Variants in ZNF717 observed in about 807,000 individuals in gnomAD.
ZNF717 encodes the protein zinc finger protein 717.
In ZNF717, 9 loss-of-function variants were observed where a neutral mutation model predicts 13.8. That is an observed-to-expected ratio of 0.65 (90% confidence interval 0.39 to 1.14). ZNF717 has a LOEUF of 1.14. Ranked by LOEUF, ZNF717 falls within the 50% of genes most tolerant of loss-of-function variation. The pLI is 0.01. For missense variants in ZNF717, 1,040 were observed against 1,080.7 expected (o/e 0.96, Z 0.53); for synonymous variants, 327 against 364.1 (o/e 0.90, Z 1.16).
At chr3:75,740,328 C>T (rs1287676695) in intron 4 of ZNF717, among the ~76,000 whole-genome samples, 1 of 152,276 alleles carries the variant, frequency 6.6e-6, no homozygotes, top group South Asian at 2.1e-4. Context: ...GGACTTGAGA[C>T]CCAGAATCTT....
intron 2 of ZNF717, among the ~76,000 whole-genome samples, chr3:75,751,713 A>G (rs1575837504): frequency 6.6e-6 from 1 of 150,384 alleles, no homozygotes; most frequent in Non-Finnish European, 1.5e-5. Context: ...CTCACATAGG[A>G]TTCCAGAACA....
chr3:75,749,296 T>C (rs1169900463), intron 2 of ZNF717, among the ~76,000 whole-genome samples: 1 of 151,970 alleles, frequency 6.6e-6, no homozygotes, highest in Non-Finnish European at 1.5e-5. Flanking sequence ...TAGTGTGTTC[T>C]GAATCTTTGA....
chr3:75,751,757 T>C (rs375498202), intron 2 of ZNF717, among the ~76,000 whole-genome samples: 3 of 151,676 alleles, frequency 2.0e-5, no homozygotes, highest in Admixed American at 6.6e-5. Context: ...GTCCCTCACA[T>C]AGGATTCCAG....
intron 6 of ZNF717, among the ~76,000 whole-genome samples, chr3:75,703,133 C>T (rs1243184961): frequency 2.0e-5 from 3 of 152,418 alleles, no homozygotes; most frequent in East Asian, 3.8e-4. Flanking sequence ...AATTTAATCA[C>T]ATGCATTCTA....
chr3:75,737,371 G>A lies in ZNF717; in HGVS notation c.2252C>T (p.Thr751Ile). 6.4e-7 allele frequency: 1 copy of A among 1,552,736 alleles called. No individual in the cohort carries two copies. The highest frequency in any genetic ancestry group is 8.7e-7 in the Non-Finnish European group (1 of 1,147,644). ...QKSVLTVHHR[T>I]HTGEKPYECN... ...TTCATAAGGTTTTTCTCCGGTATGG[G>A]TTCTATGATGTACAGTGAGGACTGA... The change falls in exon 5 of 5, where the codon ACC (threonine) becomes ATC (isoleucine). Residue 751 changes from threonine (T) to isoleucine (I), a missense_variant. By Grantham distance (89) the Thr-to-Ile change is moderately conservative. Transcript: ENST00000652011.
intron 2 of ZNF717, among the ~76,000 whole-genome samples, chr3:75,746,574 C>T (rs1416983752): frequency 3.3e-5 from 5 of 152,296 alleles, no homozygotes; most frequent in South Asian, 2.1e-4. Flanking sequence ...GATCGCCATT[C>T]TAACTAGTGT....
intron 4 of ZNF717, among the ~76,000 whole-genome samples, chr3:75,740,380 C>G (rs1940231212): frequency 1.3e-5 from 2 of 152,060 alleles, no homozygotes; most frequent in African/African-American, 4.8e-5. Flanking sequence ...TATCCAGGCC[C>G]CTATGATGGG....
intron 2 of ZNF717, among the ~76,000 whole-genome samples, chr3:75,779,991 CTTGCT>C (rs1944680591): frequency 6.8e-6 from 1 of 146,134 alleles, no homozygotes; most frequent in African/African-American, 2.6e-5. Context: ...ATGGGAGTGA[CTTGCT>C]AAAACCAGAA....
At chr3:75,712,777 C>T (rs1177966119) in intron 5 of ZNF717, among the ~76,000 whole-genome samples, 2 of 152,178 alleles carry the variant, frequency 1.3e-5, no homozygotes, top group African/African-American at 2.4e-5. Flanking sequence ...TCTTCTTTAA[C>T]ATTTCACTGT....
intron 2 of ZNF717, among the ~76,000 whole-genome samples, chr3:75,760,337 C>T (rs1942886691): frequency 6.6e-6 from 1 of 152,268 alleles, no homozygotes; most frequent in South Asian, 2.1e-4. Context: ...AGCCACTGTG[C>T]CTGGCCTGGA....
At chr3:75,698,760 G>A (rs1258156860) in intron 6 of ZNF717, among the ~76,000 whole-genome samples, 1 of 152,310 alleles carries the variant, frequency 6.6e-6, no homozygotes, top group Admixed American at 6.5e-5. Context: ...AGAAATGTGG[G>A]GTGACAGTCC....
chr3:75,765,589 G>GT (rs1367123549), intron 2 of ZNF717, among the ~76,000 whole-genome samples: 1 of 151,932 alleles, frequency 6.6e-6, no homozygotes. Flanking sequence ...TTTTGGTTTG[G>GT]TTTTTTTGTA....
intron 2 of ZNF717, among the ~76,000 whole-genome samples, chr3:75,764,292 C>G (rs1470099408): frequency 6.6e-6 from 1 of 152,164 alleles, no homozygotes; most frequent in South Asian, 2.1e-4. Flanking sequence ...TGGTCAGTTC[C>G]GTATCTGTTT....
chr3:75,721,029 A>G (rs1381452780), intron 4 of ZNF717, among the ~76,000 whole-genome samples: 3 of 152,208 alleles, frequency 2.0e-5, no homozygotes, highest in African/African-American at 7.2e-5. Context: ...AAACAAATCA[A>G]TATTTCACAT....
intron 4 of ZNF717, among the ~76,000 whole-genome samples, chr3:75,724,720 G>T (rs1474113480): frequency 6.6e-6 from 1 of 152,198 alleles, no homozygotes. Context: ...TAATAGAACT[G>T]CTACTATTGT....
chr3:75,730,608 A>C, exon 6 of ZNF717: 1 of 702,354 alleles, frequency 1.4e-6, no homozygotes, highest in Non-Finnish European at 2.6e-6. Context: ...AGTTCACAAG[A>C]GAGATCAAAC....
At chr3:75,727,442 G>C (rs1331160639), downstream of ZNF717, among the ~76,000 whole-genome samples, 5 of 152,278 alleles carry the variant, frequency 3.3e-5, no homozygotes, top group Non-Finnish European at 5.9e-5. Context: ...GTGAGTAAGA[G>C]AATATCACTG....
At chr3:75,733,596 G>A (rs1261609249), downstream of ZNF717, among the ~76,000 whole-genome samples, 56 of 113,294 alleles carry the variant, frequency 4.9e-4, no homozygotes, top group Non-Finnish European at 8.6e-4. Flanking sequence ...GGCTAACACG[G>A]TGAAACCCCA....
intron 4 of ZNF717, 124 bp from the exon 5 acceptor site, chr3:75,739,469 T>C (rs142398543): frequency 0.022 from 12,200 of 559,888 alleles, 214 homozygotes; most frequent in Non-Finnish European, 0.03. Context: ...TAAATATGGG[T>C]ATTGGTTTTA....
Sources: allele counts gnomAD v4.1 joint callset (sites outside exome capture counted in the v4.1 genomes callset), GRCh38; gene constraint gnomAD v4.1.1; transcripts MANE v1.5; gene names NCBI Gene and HGNC (gene_info 2026-07-23, HGNC 2026-07-21).